ATF6: variants seen among roughly 807,000 people sequenced by gnomAD.
The protein encoded by ATF6 is activating transcription factor 6, also known as cyclic AMP-dependent transcription factor ATF-6 alpha.
Under a neutral mutation model 83.6 loss-of-function variants are expected in ATF6, and 53 were observed. The ratio of observed to expected loss-of-function variants is 0.63; its 90% CI spans 0.51 to 0.80. The LOEUF (loss-of-function observed/expected upper bound fraction) is 0.80, where lower values mean the gene tolerates loss of function less well. Among genes scored for constraint, ATF6 ranks in the 30% least tolerant of loss-of-function variants. The probability of loss-of-function intolerance (pLI) is 0.00; values close to 1 mark genes in which losing one functional copy is unlikely to be tolerated. For synonymous variants in ATF6, 288 were observed against 285.8 expected (o/e 1.01, Z -0.08); for missense variants, 744 against 797.9 (o/e 0.93, Z 0.81).
chr1:161,882,723 T>C (rs1687345116), intron 14 of ATF6, among the ~76,000 whole-genome samples: 1 of 150,294 alleles, frequency 6.7e-6, no homozygotes, highest in Non-Finnish European at 1.5e-5. Context: ...TTTTTTTTTG[T>C]AGAAAATCAG....
intron 14 of ATF6, chr1:161,890,980 AAGT>A (rs1687542596): frequency 6.6e-6 from 1 of 152,338 alleles, no homozygotes; most frequent in African/African-American, 2.4e-5. Context: ...ATGCAGGGGA[AAGT>A]AGATTTGTTT....
At chr1:161,784,561 A>T (rs1204735230) in intron 4 of ATF6, among the ~76,000 whole-genome samples, 2 of 152,200 alleles carry the variant, frequency 1.3e-5, no homozygotes, top group Non-Finnish European at 2.9e-5. Context: ...GAAGTCTGGT[A>T]GCTCTTTTAA....
rs777778633 is a variant in ATF6 at position 161,819,643 on chromosome 1, T to C, written c.920T>C (p.Leu307Pro). ...TATAACTTTTTCTAGATTGCTGTGCTAAGGAGACAGCAACGTATGATAAAA... is the reference window on the plus strand; with the variant it reads ...TATAACTTTTTCTAGATTGCTGTGCCAAGGAGACAGCAACGTATGATAAAA... ...MRNVGSDIAVLRRQQRMIKNR... is the reference protein window; with the variant it reads ...MRNVGSDIAVPRRQQRMIKNR... Residue 307 changes from leucine (L) to proline (P), a missense_variant, in exon 8 of 16, where the codon CTA becomes CCA. Coordinates refer to ENST00000367942, the MANE Select transcript of ATF6 (RefSeq NM_007348.4). 6.2e-7 allele frequency: 1 copy of C among 1,603,526 alleles called. No homozygotes were observed. The highest frequency in any genetic ancestry group is 8.5e-7 in the Non-Finnish European group (1 of 1,176,034).
chr1:161,814,520 A>C (rs1392723920), intron 7 of ATF6, among the ~76,000 whole-genome samples: 2 of 152,228 alleles, frequency 1.3e-5, no homozygotes, highest in African/African-American at 2.4e-5. Context: ...ATAGAAGGAA[A>C]TAGTTTGCAG....
intron 10 of ATF6, among the ~76,000 whole-genome samples, chr1:161,850,390 C>G (rs528636823): frequency 6.6e-6 from 1 of 152,044 alleles, no homozygotes; most frequent in African/African-American, 2.4e-5. Flanking sequence ...TGCTCTTACC[C>G]CAGTTTCTAT....
intron 1 of ATF6, among the ~76,000 whole-genome samples, chr1:161,770,461 G>T (rs182397620): frequency 2.6e-3 from 392 of 152,270 alleles, no homozygotes; most frequent in Non-Finnish European, 4.0e-3. Flanking sequence ...TTCAGGTTCT[G>T]GTTAGGGCTC....
chr1:161,878,490 G>T (rs1687265048), intron 14 of ATF6, among the ~76,000 whole-genome samples: 1 of 152,020 alleles, frequency 6.6e-6, no homozygotes, highest in African/African-American at 2.4e-5. Flanking sequence ...GAGAGAGGAG[G>T]GTTCAGGACC....
rs138277805 is a variant in ATF6, at chr1:161,837,025, A to G, written c.1188-9424A>G. ...GTTAACATAAAACAAGGACTAGTGGATAGTTTGTGTGAAATAGCATTTTCA... is the reference window on the plus strand; with the variant it reads ...GTTAACATAAAACAAGGACTAGTGGGTAGTTTGTGTGAAATAGCATTTTCA... On this transcript the variant is annotated intron_variant, in intron 9 of 15. Transcript: ENST00000367942. 3.3e-5 allele frequency among the ~76,000 whole-genome samples: 5 copies of G among 152,302 alleles called. No homozygotes were observed. The East Asian group carries it at 9.7e-4, about 29-fold the overall frequency.
chr1:161,822,466 A>C (rs1685789145), intron 9 of ATF6, among the ~76,000 whole-genome samples: 1 of 152,214 alleles, frequency 6.6e-6, no homozygotes, highest in Non-Finnish European at 1.5e-5. Context: ...AAGCAGATTT[A>C]GTAGGGGTAG....
chr1:161,804,097 G>T (rs1410370194), intron 7 of ATF6, among the ~76,000 whole-genome samples: 1 of 148,514 alleles, frequency 6.7e-6, no homozygotes, highest in African/African-American at 2.5e-5. Context: ...GCAGTGTTTG[G>T]TTTTTTGTTC....
intron 7 of ATF6, among the ~76,000 whole-genome samples, chr1:161,802,591 T>C (rs1409272186): frequency 6.6e-6 from 1 of 152,314 alleles, no homozygotes; most frequent in Middle Eastern, 3.4e-3. Flanking sequence ...CTCAACCCAG[T>C]CATCCACTAA....
chr1:161,846,701 T>A, intron 10 of ATF6, 121 bp downstream of exon 10: 2 of 969,486 alleles, frequency 2.1e-6, no homozygotes, highest in Admixed American at 3.2e-5. Context: ...GTAGAACACA[T>A]AAATTACTGA....
At chr1:161,803,239 A>G (rs1479402411) in intron 7 of ATF6, among the ~76,000 whole-genome samples, 2 of 152,228 alleles carry the variant, frequency 1.3e-5, no homozygotes, top group Non-Finnish European at 2.9e-5. Context: ...TAATTATAAA[A>G]TTGCTCCACA....
At chr1:161,791,290 C>A (rs1338715982) in intron 4 of ATF6, 118 bp from the exon 5 acceptor site, 2 of 727,528 alleles carry the variant, frequency 2.7e-6, no homozygotes, top group Admixed American at 6.2e-5. Context: ...TTCTAATATA[C>A]CTTTCCTTTG....
At chr1:161,811,270 T>A (rs563035424) in intron 7 of ATF6, among the ~76,000 whole-genome samples, 1 of 152,222 alleles carries the variant, frequency 6.6e-6, no homozygotes, top group Non-Finnish European at 1.5e-5. Flanking sequence ...AAGATTACTA[T>A]TTTATAACTA....
At chr1:161,914,713 C>G (rs187468044) in intron 15 of ATF6, among the ~76,000 whole-genome samples, 1 of 152,156 alleles carries the variant, frequency 6.6e-6, no homozygotes, top group Non-Finnish European at 1.5e-5. Context: ...TTTGACCCTG[C>G]CACTTCTTTT....
chr1:161,776,777 T>C (rs1684524361), intron 1 of ATF6, among the ~76,000 whole-genome samples: 1 of 152,230 alleles, frequency 6.6e-6, no homozygotes, highest in Non-Finnish European at 1.5e-5. Flanking sequence ...TCATACTCAC[T>C]GCACATGCAT....
intron 1 of ATF6, among the ~76,000 whole-genome samples, chr1:161,777,130 A>G (rs890483928): frequency 6.6e-6 from 1 of 152,230 alleles, no homozygotes; most frequent in East Asian, 1.9e-4. Context: ...CACTGGGGAC[A>G]TTAATAATTA....
intron 14 of ATF6, among the ~76,000 whole-genome samples, chr1:161,867,360 T>C (rs984044155): frequency 6.6e-6 from 1 of 151,992 alleles, no homozygotes; most frequent in Non-Finnish European, 1.5e-5. Flanking sequence ...TTAAATAATA[T>C]AACAAAATTA....
Sources: allele counts gnomAD v4.1 joint callset (sites outside exome capture counted in the v4.1 genomes callset), GRCh38; gene constraint gnomAD v4.1.1; transcripts MANE v1.5; gene names NCBI Gene and HGNC (gene_info 2026-07-23, HGNC 2026-07-21).